Variants in CFAP54 observed in about 807,000 individuals in gnomAD.
CFAP54 encodes the protein cilia- and flagella-associated protein 54.
CFAP54 carries 290 observed loss-of-function variants against 370.4 expected under a neutral mutation model. The observed-to-expected ratio is 0.78, with a 90% CI of 0.71 to 0.86. CFAP54 has a LOEUF of 0.86. Among genes scored for constraint, CFAP54 ranks in the 40% least tolerant of loss-of-function variants. CFAP54 has a pLI of 0.00. For synonymous variants in CFAP54, 1,206 were observed against 1,236.5 expected, an observed-to-expected ratio of 0.98 and a Z score of 0.52; for missense variants, 3,399 against 3,528.7, an observed-to-expected ratio of 0.96 and a Z score of 0.93.
Position 96,826,565 on chromosome 12 carries a change from A to G in CFAP54, c.9097-2449A>G, listed in dbSNP as rs541907904. On this transcript the variant is annotated intron_variant, in intron 65 of 67. Coordinates refer to ENST00000524981, the MANE Select transcript of CFAP54 (RefSeq NM_001306084.2). ...ATATAATTTATATATAATATATAAT[A>G]TATAATATAGATTATATGTATTATA... 7.3e-3 allele frequency among the ~76,000 whole-genome samples: 343 copies of G among 47,100 alleles called. 2 individuals are homozygous for G. The highest frequency in any genetic ancestry group is 0.022 in the African/African-American group (328 of 14,842). 30.9% of individuals were successfully genotyped at this position (47,100 alleles called of 152,430 possible).
chr12:96,662,183 C>T (rs1404329262), intron 38 of CFAP54, among the ~76,000 whole-genome samples: 1 of 152,174 alleles, frequency 6.6e-6, no homozygotes, highest in African/African-American at 2.4e-5. Context: ...CTGAACCCCA[C>T]TTTCAGCCTA....
At chr12:96,715,854 T>C (rs1191286336) in intron 48 of CFAP54, among the ~76,000 whole-genome samples, 1 of 152,158 alleles carries the variant, frequency 6.6e-6, no homozygotes, top group East Asian at 1.9e-4. Flanking sequence ...ATTTTTTTCA[T>C]ATTTTGTGCC....
intron 63 of CFAP54, among the ~76,000 whole-genome samples, chr12:96,809,798 CT>C (rs1958913667): frequency 6.6e-6 from 1 of 152,164 alleles, no homozygotes; most frequent in African/African-American, 2.4e-5. Flanking sequence ...ATTTCAGCAC[CT>C]GTAGGTCTTT....
In CFAP54 at chr12:96,664,560, C is replaced by A. The variant is rs999277858; in HGVS notation, c.5563+628C>A. 4.0e-5 allele frequency among the ~76,000 whole-genome samples: 6 copies of A among 150,956 alleles called. No individual in the cohort carries two copies. In the South Asian group the frequency reaches 1.3e-3, roughly 32 times the overall value. ...ATGGGCATTTAGGTTCATTCCACTT[C>A]TTTGCTAATTGCTCTACATAATTTG... is the stretch of plus-strand genomic sequence containing the variant. On this transcript the variant is annotated intron_variant, in intron 39 of 67. Coordinates refer to ENST00000524981, the MANE Select transcript of CFAP54 (RefSeq NM_001306084.2).
rs79845441 is a variant in CFAP54, at chr12:96,748,408, G to A, written c.7684+4262G>A. Reference sequence around the variant, plus strand: ...CTAATCCTAGTCATTGTACCACTGAGAAAGTGCTGCTGTTCTTCTTCCCTC... The same window carrying A: ...CTAATCCTAGTCATTGTACCACTGAAAAAGTGCTGCTGTTCTTCTTCCCTC... On this transcript the variant is annotated intron_variant, in intron 55 of 67. Transcript: ENST00000524981. 9.2e-4 allele frequency among the ~76,000 whole-genome samples: 140 copies of A among 152,018 alleles called. 2 individuals are homozygous for A. The highest frequency in any genetic ancestry group is 3.2e-3 in the African/African-American group (132 of 41,492).
At chr12:96,661,832 C>T (rs772275794) in intron 38 of CFAP54, among the ~76,000 whole-genome samples, 1 of 152,154 alleles carries the variant, frequency 6.6e-6, no homozygotes, top group Non-Finnish European at 1.5e-5. Flanking sequence ...AAAAAATCAT[C>T]ACACTGCCCA....
chr12:96,643,218 A>G (rs1956753305), intron 32 of CFAP54, among the ~76,000 whole-genome samples: 1 of 152,124 alleles, frequency 6.6e-6, no homozygotes, highest in South Asian at 2.1e-4. Flanking sequence ...AAACCCTAAA[A>G]CTCTTGGATT....
intron 45 of CFAP54, among the ~76,000 whole-genome samples, chr12:96,696,481 A>T (rs1190667391): frequency 6.6e-6 from 1 of 152,152 alleles, no homozygotes; most frequent in African/African-American, 2.4e-5. Flanking sequence ...AAATGGCTAG[A>T]TGACTTTTTT....
intron 26 of CFAP54, among the ~76,000 whole-genome samples, chr12:96,601,141 A>G (rs1956237205): frequency 6.6e-6 from 1 of 152,170 alleles, no homozygotes; most frequent in African/African-American, 2.4e-5. Flanking sequence ...ATCAATATCT[A>G]GTTTATTGAG....
intron 23 of CFAP54, among the ~76,000 whole-genome samples, chr12:96,591,771 G>C (rs1201843008): frequency 6.9e-6 from 1 of 145,438 alleles, no homozygotes; most frequent in East Asian, 2.0e-4. Context: ...CGTGCCTGTA[G>C]TCCCAGCTAC....
intron 19 of CFAP54, among the ~76,000 whole-genome samples, chr12:96,574,286 G>GT (rs898334301): frequency 2.6e-5 from 4 of 151,936 alleles, no homozygotes; most frequent in African/African-American, 7.2e-5. Flanking sequence ...AACAGCACAG[G>GT]TTTTTTTCTG....
At chr12:96,525,359 C>A (rs1955367792) in intron 8 of CFAP54, among the ~76,000 whole-genome samples, 1 of 151,734 alleles carries the variant, frequency 6.6e-6, no homozygotes, top group South Asian at 2.1e-4. Context: ...TCATACTTGA[C>A]AATCCATTGT....
At chr12:96,724,466 A>C (rs980599044) in intron 50 of CFAP54, among the ~76,000 whole-genome samples, 15 of 152,156 alleles carry the variant, frequency 9.9e-5, no homozygotes, top group Non-Finnish European at 1.5e-4. Context: ...TGGCTGCATA[A>C]ATGTCTTCTT....
intron 50 of CFAP54, among the ~76,000 whole-genome samples, chr12:96,727,394 C>T (rs904168286): frequency 4.0e-5 from 6 of 148,538 alleles, no homozygotes; most frequent in African/African-American, 7.5e-5. Context: ...GGATAGTTAG[C>T]GCTTCTTGTT....
chr12:96,786,587 G>A (rs374666859), intron 61 of CFAP54, 88 bp from the exon 62 acceptor site: 9 of 948,168 alleles, frequency 9.5e-6, no homozygotes, highest in African/African-American at 6.6e-5. Flanking sequence ...AATATGTAAC[G>A]ATAGTGGTTA....
chr12:96,734,662 G>T (rs914102178), intron 50 of CFAP54, among the ~76,000 whole-genome samples: 1 of 152,062 alleles, frequency 6.6e-6, no homozygotes, highest in Non-Finnish European at 1.5e-5. Context: ...TCTCTCTCCA[G>T]TGTATGAATT....
chr12:96,659,400 C>G (rs1308653327), intron 38 of CFAP54, among the ~76,000 whole-genome samples: 1 of 152,130 alleles, frequency 6.6e-6, no homozygotes, highest in East Asian at 1.9e-4. Flanking sequence ...TCCCAAAGTG[C>G]TGGGATTACA....
At position 96,489,580 on chromosome 12, in the gene CFAP54, C is replaced by T; in HGVS notation, c.-30C>T. The T allele has an allele frequency of 6.7e-7, 1 of 1,488,086 alleles. No homozygotes were observed. Among genetic ancestry groups the T allele is most frequent in the Non-Finnish European group, 8.9e-7 (1 of 1,119,476 alleles). The allele number at this position is 1,488,086 out of a possible 1,614,324, so 92.2% of individuals were successfully genotyped here. A position where few individuals can be genotyped will look rare whatever the true frequency, so the allele number is the denominator to read the frequency against. The stretch of plus-strand genomic sequence containing the variant: ...CCGTCGCCAGGCAACCGCGTGTACA[C>T]ATACTCCAGGCGGGCCGGGGCGCGT... On this transcript the variant is annotated 5_prime_UTR_variant, in exon 1 of 68. Coordinates refer to ENST00000524981, the MANE Select transcript of CFAP54 (RefSeq NM_001306084.2).
chr12:96,872,953 TAAAAG>T (rs1200084515), intron 67 of CFAP54, among the ~76,000 whole-genome samples: 3 of 152,030 alleles, frequency 2.0e-5, no homozygotes, highest in African/African-American at 7.2e-5. Flanking sequence ...ATTGGAGAAA[TAAAAG>T]AGAAAGAGAA....
Sources: gnomAD v4.1 joint callset for allele counts (sites outside exome capture counted in the v4.1 genomes callset) on GRCh38, gnomAD v4.1.1 for gene constraint, MANE v1.5 for transcripts, NCBI Gene and HGNC (gene_info 2026-07-23, HGNC 2026-07-21) for gene names.